Variants in DPP6 observed in about 807,000 individuals in gnomAD.
DPP6 encodes dipeptidyl peptidase like 6, also known as A-type potassium channel modulatory protein DPP6.
DPP6 carries 69 observed loss-of-function variants against 122.6 expected under a neutral mutation model. The observed-to-expected ratio is 0.56, with a 90% CI of 0.46 to 0.69. The LOEUF (loss-of-function observed/expected upper bound fraction) is 0.69. DPP6 is among the 30% of genes least tolerant of loss of function. The pLI is 0.00. For missense variants in DPP6, 928 were observed against 1,116.9 expected, an observed-to-expected ratio of 0.83 and a Z score of 2.41; for synonymous variants, 418 against 433.1, an observed-to-expected ratio of 0.97 and a Z score of 0.43.
chr7:154,863,561 CA>C lies in DPP6; in HGVS notation c.1715-4433del, dbSNP rs1314915069. On this transcript the variant is annotated intron_variant, in intron 17 of 25. Coordinates refer to ENST00000377770, the MANE Select transcript of DPP6 (RefSeq NM_130797.4). The surrounding 1 kb of genome is among the most constrained non-coding windows in gnomAD (Gnocchi z 4.1). ...TTTTGTAGAGATGGAGTTGGGATTA[CA>C]GGTGTGAGCCACTGCACCCAGCAAG... Among the ~76,000 whole-genome samples the C allele has an allele frequency of 6.6e-6, 1 of 151,918 alleles. No homozygotes were observed. The highest frequency in any genetic ancestry group is 2.4e-5 in the African/African-American group (1 of 41,346).
the DPP6 span, among the ~76,000 whole-genome samples, chr7:153,820,195 A>C: frequency 6.6e-6 from 1 of 152,202 alleles, no homozygotes; most frequent in Non-Finnish European, 1.5e-5. Flanking sequence ...ACATTACAAG[A>C]GGCATGGTAG....
At chr7:154,294,481 G>T (rs1805408305) in intron 1 of DPP6, among the ~76,000 whole-genome samples, 1 of 152,208 alleles carries the variant, frequency 6.6e-6, no homozygotes, top group South Asian at 2.1e-4. Flanking sequence ...TTGGCCAACA[G>T]GGATTGTATG....
chr7:154,193,284 T>C (rs952932442), intron 1 of DPP6, among the ~76,000 whole-genome samples: 2 of 152,204 alleles, frequency 1.3e-5, no homozygotes, highest in Non-Finnish European at 2.9e-5. Context: ...TTGGAAGTGA[T>C]AGGAAAAAAC....
At chr7:154,313,685 G>GTATATATATATATA (rs1170662489) in intron 1 of DPP6, among the ~76,000 whole-genome samples, 31 of 20,394 alleles carry the variant, frequency 1.5e-3, no homozygotes, top group African/African-American at 2.8e-3. Flanking sequence ...TTAAGATATG[G>GTATATATATATATA]TATATATATA....
At chr7:153,989,977 C>T (rs1423602593) in intron 1 of DPP6, among the ~76,000 whole-genome samples, 5 of 127,960 alleles carry the variant, frequency 3.9e-5, no homozygotes, top group Non-Finnish European at 8.3e-5. Context: ...ACACCCCCAA[C>T]AGCTCACCCC....
chr7:154,163,535 T>G (rs1585525563), intron 1 of DPP6, among the ~76,000 whole-genome samples: 1 of 152,232 alleles, frequency 6.6e-6, no homozygotes, highest in East Asian at 1.9e-4. Flanking sequence ...CCTCAAATTT[T>G]TTCAAAACTA....
chr7:154,546,718 C>G (rs573451653), intron 4 of DPP6, among the ~76,000 whole-genome samples: 22 of 152,180 alleles, frequency 1.4e-4, no homozygotes, highest in African/African-American at 5.1e-4. Context: ...ATTCTGACTC[C>G]TCACAGAAAG....
chr7:154,725,269 T>A (rs1322570719), intron 7 of DPP6, among the ~76,000 whole-genome samples: 1 of 152,190 alleles, frequency 6.6e-6, no homozygotes, highest in Non-Finnish European at 1.5e-5. Context: ...ATTGCAAAAA[T>A]AATCCAATTT....
chr7:154,551,480 A>G (rs563135018), intron 4 of DPP6, among the ~76,000 whole-genome samples: 19 of 152,236 alleles, frequency 1.2e-4, no homozygotes, highest in Non-Finnish European at 2.2e-4. Flanking sequence ...TAGATTATTA[A>G]TTGTTCAATT....
chr7:153,896,091 T>C (rs981631579), intron 1 of DPP6, among the ~76,000 whole-genome samples: 11 of 152,250 alleles, frequency 7.2e-5, no homozygotes, highest in South Asian at 4.1e-4. Flanking sequence ...TTCACTGATA[T>C]TGGTATTTGA....
intron 1 of DPP6, among the ~76,000 whole-genome samples, chr7:153,911,915 A>C (rs1038379570): frequency 6.6e-6 from 1 of 152,232 alleles, no homozygotes. Context: ...TAGTAAGGTG[A>C]TAATCCAAAT....
intron 1 of DPP6, among the ~76,000 whole-genome samples, chr7:154,433,296 T>G (rs1818593415): frequency 6.6e-6 from 1 of 151,102 alleles, no homozygotes. Context: ...GGACTACAGG[T>G]GCATGCCACC....
chr7:153,892,264 G>A (rs537835444), intron 1 of DPP6, among the ~76,000 whole-genome samples: 5 of 152,246 alleles, frequency 3.3e-5, no homozygotes, highest in African/African-American at 7.2e-5. Flanking sequence ...GCAGAGGCTC[G>A]TTGAGGTTTT....
At chr7:153,850,273 G>A in the DPP6 span, among the ~76,000 whole-genome samples, 5 of 152,128 alleles carry the variant, frequency 3.3e-5, no homozygotes, top group Non-Finnish European at 5.9e-5. Flanking sequence ...ACACTCCTAT[G>A]GCTAATGGTG....
At chr7:153,960,227 T>TA (rs1402057574) in intron 1 of DPP6, among the ~76,000 whole-genome samples, 2 of 152,224 alleles carry the variant, frequency 1.3e-5, no homozygotes, top group African/African-American at 4.8e-5. Flanking sequence ...GATTGACTCT[T>TA]ACTTTCATAA....
chr7:154,613,063 C>T (rs1306235426), intron 5 of DPP6, among the ~76,000 whole-genome samples: 1 of 152,090 alleles, frequency 6.6e-6, no homozygotes, highest in African/African-American at 2.4e-5. Flanking sequence ...CAAGCTCTCT[C>T]GTTACTATAA....
chr7:154,515,865 G>A (rs1826453388), intron 3 of DPP6, among the ~76,000 whole-genome samples: 1 of 152,148 alleles, frequency 6.6e-6, no homozygotes, highest in Non-Finnish European at 1.5e-5. Context: ...CGGAGGCCCA[G>A]ATGATCACTG....
At chr7:154,778,800 C>G (rs1472565603) in intron 10 of DPP6, among the ~76,000 whole-genome samples, 1 of 150,880 alleles carries the variant, frequency 6.6e-6, no homozygotes, top group Non-Finnish European at 1.5e-5. Flanking sequence ...TCTGTCACCT[C>G]CACAACCTCT....
At chr7:153,937,173 G>T (rs1471227166) in intron 1 of DPP6, among the ~76,000 whole-genome samples, 1 of 152,174 alleles carries the variant, frequency 6.6e-6, no homozygotes, top group African/African-American at 2.4e-5. Flanking sequence ...AAGTTCTAGG[G>T]CCACCCTTAG....
Sources: gnomAD v4.1 joint callset for allele counts (sites outside exome capture counted in the v4.1 genomes callset) on GRCh38, gnomAD v4.1.1 for gene constraint, Gnocchi (gnomAD v3.1) non-coding constraint, MANE v1.5 for transcripts, NCBI Gene and HGNC (gene_info 2026-07-23, HGNC 2026-07-21) for gene names.